SYK: variants seen among roughly 807,000 people sequenced by gnomAD.
SYK encodes the protein tyrosine-protein kinase SYK.
Under a neutral mutation model 77.8 loss-of-function variants are expected in SYK, and 16 were observed. The ratio of observed to expected loss-of-function variants is 0.21; its 90% CI spans 0.14 to 0.31. SYK has a LOEUF of 0.31. SYK is among the 10% of genes least tolerant of loss of function. The pLI is 1.00. For missense variants in SYK, 529 were observed against 814.4 expected (o/e 0.65, Z 4.26); for synonymous variants, 312 against 308.7 (o/e 1.01, Z -0.11).
chr9:90,867,215 C>A lies in SYK; in HGVS notation c.915+16C>A, dbSNP rs1467009671. On this transcript the variant is annotated intron_variant, in intron 7 of 13. Coordinates refer to ENST00000375754, the MANE Select transcript of SYK (RefSeq NM_003177.7). Reference sequence around the variant, plus strand: ...CCACAGAAAGGTGCTAAAGCAACCCCTGCTTGCTGTCCAACTAAGTGGTAG... The same window carrying A: ...CCACAGAAAGGTGCTAAAGCAACCCATGCTTGCTGTCCAACTAAGTGGTAG... The A allele has an allele frequency of 6.2e-7, 1 of 1,613,998 alleles. No homozygotes were observed. Among genetic ancestry groups the A allele is most frequent in the East Asian group, 2.2e-5 (1 of 44,886 alleles).
intron 1 of SYK, among the ~76,000 whole-genome samples, chr9:90,823,190 C>T (rs1330337645): frequency 2.0e-5 from 3 of 152,060 alleles, no homozygotes; most frequent in Admixed American, 2.0e-4. Context: ...GTAAAGGGGT[C>T]GAATATCCAA....
At chr9:90,838,377 G>A (rs1340882760) in intron 1 of SYK, among the ~76,000 whole-genome samples, 3 of 152,214 alleles carry the variant, frequency 2.0e-5, no homozygotes, top group Non-Finnish European at 4.4e-5. Context: ...GCTGCCTTAT[G>A]GAGATGTGCT....
intron 1 of SYK, among the ~76,000 whole-genome samples, chr9:90,803,817 C>T (rs957230459): frequency 1.3e-5 from 2 of 152,144 alleles, no homozygotes; most frequent in African/African-American, 2.4e-5. Context: ...GAAAGGTAAA[C>T]ATACATGTTG....
intron 7 of SYK, among the ~76,000 whole-genome samples, chr9:90,872,286 G>A (rs1481275400): frequency 6.6e-6 from 1 of 152,198 alleles, no homozygotes; most frequent in African/African-American, 2.4e-5. Flanking sequence ...GTCAAGAAGA[G>A]GTGATGGTCC....
chr9:90,820,994 C>G (rs1377274706), intron 1 of SYK, among the ~76,000 whole-genome samples: 2 of 152,104 alleles, frequency 1.3e-5, no homozygotes, highest in Non-Finnish European at 2.9e-5. Context: ...TCACAGATCT[C>G]TAGGGCAGGG....
intron 11 of SYK, among the ~76,000 whole-genome samples, chr9:90,884,151 G>GTGTATATATATATATACACATACA (rs1564119721): frequency 3.2e-5 from 3 of 94,638 alleles, no homozygotes; most frequent in East Asian, 6.7e-4. Context: ...ATATGTGTGT[G>GTGTATATATATATATACACATACA]TGTATATATA....
At chr9:90,859,010 C>T (rs1289379768) in intron 3 of SYK, among the ~76,000 whole-genome samples, 2 of 152,262 alleles carry the variant, frequency 1.3e-5, no homozygotes, top group Non-Finnish European at 2.9e-5. Flanking sequence ...GCAAAGGGCA[C>T]TCTCTGTTTC....
intron 11 of SYK, among the ~76,000 whole-genome samples, chr9:90,880,200 C>G (rs1216509774): frequency 6.6e-6 from 1 of 152,208 alleles, no homozygotes; most frequent in Admixed American, 6.5e-5. Context: ...TCACCTTTCC[C>G]TAAGAGGCAG....
intron 4 of SYK, 38 bp downstream of exon 4, chr9:90,862,382 C>A (rs1827307568): frequency 6.2e-7 from 1 of 1,600,814 alleles, no homozygotes; most frequent in African/African-American, 1.3e-5. Context: ...GGGTAGAGTA[C>A]AGGGCACGTG....
intron 3 of SYK, among the ~76,000 whole-genome samples, chr9:90,858,681 G>A (rs290203): frequency 0.76 from 115,116 of 152,216 alleles, 44,358 homozygotes; most frequent in East Asian, 0.95. Flanking sequence ...AATTAAAAAT[G>A]GCCTGGTCCA....
intron 3 of SYK, among the ~76,000 whole-genome samples, chr9:90,856,067 A>G (rs1827027019): frequency 6.6e-6 from 1 of 152,240 alleles, no homozygotes; most frequent in Non-Finnish European, 1.5e-5. Flanking sequence ...CTCTATTTCT[A>G]GAAACTTAAG....
At chr9:90,861,322 G>C (rs1026645557) in intron 3 of SYK, among the ~76,000 whole-genome samples, 1 of 152,168 alleles carries the variant, frequency 6.6e-6, no homozygotes, top group Non-Finnish European at 1.5e-5. Context: ...GCAGGGGGTT[G>C]TTCTGAGGGT....
chr9:90,833,600 G>C (rs1467474577), intron 1 of SYK, among the ~76,000 whole-genome samples: 1 of 152,208 alleles, frequency 6.6e-6, no homozygotes, highest in African/African-American at 2.4e-5. Context: ...TAATCTTCCA[G>C]TCAGACTGCC....
intron 1 of SYK, among the ~76,000 whole-genome samples, chr9:90,842,814 C>G (rs977128273): frequency 6.6e-6 from 1 of 150,828 alleles, no homozygotes; most frequent in Non-Finnish European, 1.5e-5. Context: ...GAGGGACATG[C>G]GCTTTGCTCC....
intron 3 of SYK, among the ~76,000 whole-genome samples, chr9:90,861,963 A>T (rs991586850): frequency 7.2e-5 from 11 of 152,146 alleles, no homozygotes; most frequent in Non-Finnish European, 1.2e-4. Flanking sequence ...TTCATCACCA[A>T]CCTGCTAGCA....
At chr9:90,854,062 AG>A (rs1396590484) in intron 3 of SYK, among the ~76,000 whole-genome samples, 2 of 152,062 alleles carry the variant, frequency 1.3e-5, no homozygotes, top group African/African-American at 2.4e-5. Context: ...GAGCCCCAGG[AG>A]GCAGCACCAT....
In SYK at chr9:90,865,460, A is replaced by T. The variant is rs1451433292; in HGVS notation, c.846+363A>T. Among the ~76,000 whole-genome samples the T allele has an allele frequency of 2.0e-5, 3 of 152,038 alleles. No homozygotes were observed. The East Asian group carries it at 5.8e-4, about 29-fold the overall frequency. ...GTAGCTGGGATTACAGGTGCCTGCC[A>T]TCACACCCGGCTAATTTTTGTATTT... On this transcript the variant is annotated intron_variant, in intron 6 of 13. Coordinates refer to ENST00000375754, the MANE Select transcript of SYK (RefSeq NM_003177.7).
chr9:90,843,009 A>G (rs1826434633), intron 1 of SYK, among the ~76,000 whole-genome samples: 1 of 152,080 alleles, frequency 6.6e-6, no homozygotes, highest in Non-Finnish European at 1.5e-5. Flanking sequence ...TGCTTCTGAA[A>G]TGTATTTATT....
intron 3 of SYK, among the ~76,000 whole-genome samples, chr9:90,855,197 A>G (rs892818279): frequency 2.6e-5 from 4 of 152,248 alleles, no homozygotes; most frequent in South Asian, 2.1e-4. Flanking sequence ...AACTGTCTCA[A>G]TTTCTTAGAG....
Sources: allele counts gnomAD v4.1 joint callset (sites outside exome capture counted in the v4.1 genomes callset), GRCh38; gene constraint gnomAD v4.1.1; transcripts MANE v1.5; gene names NCBI Gene and HGNC (gene_info 2026-07-23, HGNC 2026-07-21).